ATP10D: variants seen among roughly 807,000 people sequenced by gnomAD.
ATP10D encodes phospholipid-transporting ATPase VD.
A neutral mutation model predicts 144.8 loss-of-function variants in ATP10D; 89 were observed. That is an observed-to-expected ratio of 0.61 (90% CI 0.52 to 0.73). The LOEUF (loss-of-function observed/expected upper bound fraction) is 0.73, where lower values mean the gene tolerates loss of function less well. Ranked by LOEUF, ATP10D falls within the 30% of genes least tolerant of loss-of-function variation. The pLI, the probability that ATP10D is intolerant of heterozygous loss-of-function variation, is 0.00. For missense variants in ATP10D, 1,603 were observed against 1,714.8 expected (o/e 0.93, Z 1.15); for synonymous variants, 571 against 615.1 (o/e 0.93, Z 1.06).
At chr4:47,533,338 G>T (rs1329256017) in intron 5 of ATP10D, among the ~76,000 whole-genome samples, 1 of 152,164 alleles carries the variant, frequency 6.6e-6, no homozygotes, top group South Asian at 2.1e-4. Flanking sequence ...GGATGCATCT[G>T]GCTTTTACCA....
chr4:47,517,267 A>G (rs1180342681), intron 3 of ATP10D, among the ~76,000 whole-genome samples: 1 of 152,028 alleles, frequency 6.6e-6, no homozygotes, highest in Non-Finnish European at 1.5e-5. Context: ...ACAACAAAAA[A>G]TTAGCCAGGC....
rs112800177 is a variant in ATP10D at position 47,544,076 on chromosome 4, A to G, written c.1397-2548A>G. ...TGGCCCTGTTAACATATATAGGTAGATTCAGAAACAGTAAAGCATGGGGCT... is the reference window on the plus strand; with the variant it reads ...TGGCCCTGTTAACATATATAGGTAGGTTCAGAAACAGTAAAGCATGGGGCT... On this transcript the variant is annotated intron_variant, in intron 9 of 22. Coordinates refer to ENST00000273859, the MANE Select transcript of ATP10D (RefSeq NM_020453.4). Among the ~76,000 whole-genome samples the G allele has an allele frequency of 2.6e-5, 4 of 152,338 alleles. No individual in the cohort carries two copies. The East Asian group carries it at 7.7e-4, about 29-fold the overall frequency.
At chr4:47,562,620 G>T (rs2109453205) in intron 14 of ATP10D, among the ~76,000 whole-genome samples, 1 of 152,248 alleles carries the variant, frequency 6.6e-6, no homozygotes, top group African/African-American at 2.4e-5. Context: ...AACCTCTATG[G>T]AAAACAGTGT....
chr4:47,539,574 G>T (rs1285921149), intron 9 of ATP10D, among the ~76,000 whole-genome samples: 1 of 152,014 alleles, frequency 6.6e-6, no homozygotes, highest in Non-Finnish European at 1.5e-5. Flanking sequence ...AAATGGCATC[G>T]CAGTGTGATT....
intron 1 of ATP10D, among the ~76,000 whole-genome samples, chr4:47,510,024 G>A (rs141709006): frequency 4.8e-4 from 72 of 151,146 alleles, no homozygotes; most frequent in Non-Finnish European, 9.6e-4. Flanking sequence ...CTTACTGGGA[G>A]AGCAGTTAAC....
At chr4:47,489,737 C>T (rs1714975822) in intron 1 of ATP10D, among the ~76,000 whole-genome samples, 1 of 152,134 alleles carries the variant, frequency 6.6e-6, no homozygotes. Context: ...AGGGAAATCA[C>T]AAAACAAAGC....
At chr4:47,562,663 C>T (rs1353286678) in intron 14 of ATP10D, among the ~76,000 whole-genome samples, 3 of 152,142 alleles carry the variant, frequency 2.0e-5, no homozygotes, top group Non-Finnish European at 2.9e-5. Context: ...ATGGAATTAC[C>T]GTTCAATCCA....
Position 47,591,036 on chromosome 4 carries a change from A to G in ATP10D, c.3942-6A>G. 1 of 1,553,046 alleles carries G rather than the reference A, an allele frequency of 6.4e-7. No homozygotes were observed. The highest frequency in any genetic ancestry group is 8.7e-7 in the Non-Finnish European group (1 of 1,147,386). On this transcript the variant is annotated splice_polypyrimidine_tract_variant and splice_region_variant and intron_variant, in intron 22 of 22. Transcript: ENST00000273859. ...TTTAATTCTAATGATGTTCCTTGTC[A>G]CCTAGGTTTGTATACAGAGTTCTTC...
At position 47,591,997 on chromosome 4, in the gene ATP10D, C is replaced by G. The variant is rs1721072258; in HGVS notation, c.*616C>G. 1.3e-5 allele frequency: 2 copies of G among 152,076 alleles called. No homozygotes were observed. Among genetic ancestry groups the G allele is most frequent in the African/African-American group, 4.8e-5 (2 of 41,400 alleles). 9.4% of individuals were successfully genotyped at this position (152,076 alleles called of 1,614,324 possible). A position where few individuals can be genotyped will look rare whatever the true frequency, so the allele number is the denominator to read the frequency against. On this transcript the variant is annotated 3_prime_UTR_variant, in exon 23 of 23. Transcript: ENST00000273859. ...TCTTCTGGCTGAAGATGTAGGCATA[C>G]CTCTCACTCATTTCAATGTTTTCCT...
At chr4:47,590,213 A>C (rs1357074235) in intron 22 of ATP10D, among the ~76,000 whole-genome samples, 1 of 152,124 alleles carries the variant, frequency 6.6e-6, no homozygotes, top group African/African-American at 2.4e-5. Context: ...GGAGGTTTCT[A>C]AGCAAAGTGT....
chr4:47,560,050 G>T (rs1212336540), intron 13 of ATP10D, among the ~76,000 whole-genome samples: 1 of 151,958 alleles, frequency 6.6e-6, no homozygotes, highest in Admixed American at 6.6e-5. Context: ...CACAGTTAAA[G>T]GAAGAATGGA....
intron 11 of ATP10D, among the ~76,000 whole-genome samples, chr4:47,556,559 A>ATT (rs2109446217): frequency 6.6e-6 from 1 of 152,316 alleles, no homozygotes; most frequent in African/African-American, 2.4e-5. Context: ...ATAAGAGTCT[A>ATT]AGCCTCATGG....
At chr4:47,527,964 T>A (rs990310380) in intron 5 of ATP10D, among the ~76,000 whole-genome samples, 7 of 152,144 alleles carry the variant, frequency 4.6e-5, no homozygotes, top group African/African-American at 1.7e-4. Flanking sequence ...TTATTTGTAA[T>A]AGCCAAAAAC....
chr4:47,495,135 A>C (rs1715283482), intron 1 of ATP10D, among the ~76,000 whole-genome samples: 1 of 152,226 alleles, frequency 6.6e-6, no homozygotes. Context: ...AGAAGCTTAT[A>C]CACTAAACTA....
intron 1 of ATP10D, among the ~76,000 whole-genome samples, chr4:47,500,456 T>C (rs1715624234): frequency 6.6e-6 from 1 of 152,176 alleles, no homozygotes; most frequent in African/African-American, 2.4e-5. Context: ...ATCAGGTTGA[T>C]TGTAATAAAG....
intron 9 of ATP10D, among the ~76,000 whole-genome samples, chr4:47,544,113 T>C (rs1445969311): frequency 6.6e-6 from 1 of 152,204 alleles, no homozygotes; most frequent in African/African-American, 2.4e-5. Flanking sequence ...TGGAGTTTAA[T>C]AGAACTGATT....
At position 47,591,541 on chromosome 4, in the gene ATP10D, T is replaced by C; in HGVS notation, c.*160T>C. ...ATGAGCATTATTGTATGTTTGTATA[T>C]ACATTTGTGATAGAGGGCTAGAGTT... On this transcript the variant is annotated 3_prime_UTR_variant, in exon 23 of 23. Transcript: ENST00000273859. The C allele has an allele frequency of 5.2e-6, 3 of 573,496 alleles. No individual in the cohort carries two copies. The highest frequency in any genetic ancestry group is 2.9e-5 in the South Asian group (1 of 34,564). The allele number at this position is 573,496 out of a possible 1,614,324, so 35.5% of individuals were successfully genotyped here.
intron 1 of ATP10D, among the ~76,000 whole-genome samples, chr4:47,492,466 C>T (rs7681768): frequency 0.99 from 151,160 of 152,360 alleles, 74,997 homozygotes; most frequent in East Asian, 1. Flanking sequence ...CCAATGAAGA[C>T]CAACTTGTTT....
In ATP10D at chr4:47,558,280, T is replaced by C; in HGVS notation, c.2434+7T>C. 1 of 1,609,300 alleles carries C rather than the reference T, an allele frequency of 6.2e-7. No homozygotes were observed. The highest frequency in any genetic ancestry group is 8.5e-7 in the Non-Finnish European group (1 of 1,176,586). ...CTGTCGGTGGCTTCCCCAGGTAAGTTTATACAAAAGTGAAATAGTAGTGAT... is the reference window on the plus strand; with the variant it reads ...CTGTCGGTGGCTTCCCCAGGTAAGTCTATACAAAAGTGAAATAGTAGTGAT... On this transcript the variant is annotated splice_region_variant and intron_variant, in intron 12 of 22. Transcript: ENST00000273859.
Sources: gnomAD v4.1 joint callset for allele counts (sites outside exome capture counted in the v4.1 genomes callset) on GRCh38, gnomAD v4.1.1 for gene constraint, MANE v1.5 for transcripts, NCBI Gene and HGNC (gene_info 2026-07-23, HGNC 2026-07-21) for gene names.